PLEKHA8: variants seen among roughly 807,000 people sequenced by gnomAD.
PLEKHA8 encodes pleckstrin homology domain containing A8, also known as pleckstrin homology domain-containing family A member 8.
A neutral mutation model predicts 68.2 loss-of-function variants in PLEKHA8; 36 were observed. That is an observed-to-expected ratio of 0.53 (90% CI 0.40 to 0.70). The LOEUF (loss-of-function observed/expected upper bound fraction) is 0.70. Ranked by LOEUF, PLEKHA8 falls within the 30% of genes least tolerant of loss-of-function variation. PLEKHA8 has a pLI of 0.00. For synonymous variants in PLEKHA8, 211 were observed against 216.1 expected (o/e 0.98, Z 0.20); for missense variants, 505 against 615.4 (o/e 0.82, Z 1.90).
At chr7:30,063,485 G>A (rs189698910) in intron 12 of PLEKHA8, among the ~76,000 whole-genome samples, 13 of 152,226 alleles carry the variant, frequency 8.5e-5, no homozygotes, top group East Asian at 5.8e-4. Flanking sequence ...GCCATGAGGC[G>A]TGTGTGGAGA....
At position 30,053,285 on chromosome 7, in the gene PLEKHA8, C is replaced by G. The variant is rs183196468; in HGVS notation, c.796+419C>G. Among the ~76,000 whole-genome samples, 32 of 152,288 alleles carry G rather than the reference C, an allele frequency of 2.1e-4. No individual in the cohort carries two copies. The East Asian group carries it at 6.0e-3, about 28-fold the overall frequency. On this transcript the variant is annotated intron_variant, in intron 7 of 13. Coordinates refer to ENST00000449726, the MANE Select transcript of PLEKHA8 (RefSeq NM_001197026.2). ...AGTCACCATGAGGTTTCTACGCAGT[C>G]TTCTCTGTTTATCAAGCCAAAGTCC...
At chr7:30,099,382 T>A (rs528011698) in intron 13 of PLEKHA8, among the ~76,000 whole-genome samples, 1 of 152,328 alleles carries the variant, frequency 6.6e-6, no homozygotes, top group African/African-American at 2.4e-5. Context: ...CTTGAAAAAC[T>A]ATGCTATAAA....
In PLEKHA8 at chr7:30,045,117, G is replaced by A; in HGVS notation, c.73G>A (p.Gly25Arg). The change falls in exon 2 of 14, where the codon GGA (glycine) becomes AGA (arginine). Residue 25 changes from glycine to arginine, a missense_variant. Transcript: ENST00000449726. The stretch of plus-strand genomic sequence containing the variant: ...GCCTCGATGGTTCCTTCTCTGTGGG[G>A]GAATATTGTCCTATTATGATTCTCC... ...WQPRWFLLCGGILSYYDSPED... is the reference protein window; with the variant it reads ...WQPRWFLLCGRILSYYDSPED... The A allele has an allele frequency of 1.2e-6, 2 of 1,609,672 alleles. No individual in the cohort carries two copies. Among genetic ancestry groups the A allele is most frequent in the East Asian group, 2.2e-5 (1 of 44,648 alleles).
At chr7:30,062,226 GTATA>G (rs1360714844) in intron 11 of PLEKHA8, among the ~76,000 whole-genome samples, 199 bp downstream of exon 11, 1 of 151,936 alleles carries the variant, frequency 6.6e-6, no homozygotes, top group East Asian at 1.9e-4. Context: ...TTGTTGATAA[GTATA>G]TATAAGATAG....
At chr7:30,041,332 T>C (rs936217040) in intron 1 of PLEKHA8, among the ~76,000 whole-genome samples, 2 of 152,154 alleles carry the variant, frequency 1.3e-5, no homozygotes, top group Non-Finnish European at 2.9e-5. Context: ...TGAACATCCC[T>C]TGTATAATTA....
At chr7:30,056,315 T>TATAA (rs1792891690) in intron 9 of PLEKHA8, among the ~76,000 whole-genome samples, 1 of 125,140 alleles carries the variant, frequency 8.0e-6, no homozygotes, top group Non-Finnish European at 1.7e-5. Flanking sequence ...TCTCTCTCTA[T>TATAA]ATATATATAT....
rs1038680104 is a variant in PLEKHA8 at position 30,078,957 on chromosome 7, T to C, written c.*170T>C. The C allele has an allele frequency of 1.4e-6, 2 of 1,417,278 alleles. No individual in the cohort carries two copies. Among genetic ancestry groups the C allele is most frequent in the Non-Finnish European group, 1.8e-6 (2 of 1,089,912 alleles). 87.8% of individuals were successfully genotyped at this position (1,417,278 alleles called of 1,614,324 possible). A position where few individuals can be genotyped will look rare whatever the true frequency, so the allele number is the denominator to read the frequency against. The stretch of plus-strand genomic sequence containing the variant: ...ATAATTTTTAAAATGCATATGTGTT[T>C]TGTTTAAAGATCAAGGTGCTATATA... On this transcript the variant is annotated 3_prime_UTR_variant, in exon 14 of 14. Transcript: ENST00000449726.
chr7:30,047,870 T>A lies in PLEKHA8; in HGVS notation c.352T>A (p.Ser118Thr). The change falls in exon 4 of 14, where the codon TCA becomes ACA. Residue 118 changes from serine (S) to threonine (T), a missense_variant. By Grantham distance (58) the Ser-to-Thr change is moderately conservative. Transcript: ENST00000449726. ...ENTENLKTKM[S>T]ELRLYCDLLV... ...CACTGAAAACTTGAAAACCAAAATGTCAGAACTAAGACTCTACTGTGACCT... is the reference window on the plus strand; with the variant it reads ...CACTGAAAACTTGAAAACCAAAATGACAGAACTAAGACTCTACTGTGACCT... 6.2e-7 allele frequency: 1 copy of A among 1,610,432 alleles called. No homozygotes were observed. The highest frequency in any genetic ancestry group is 8.5e-7 in the Non-Finnish European group (1 of 1,177,458).
chr7:30,095,467 C>T (rs924023008), downstream of PLEKHA8, among the ~76,000 whole-genome samples: 12 of 152,282 alleles, frequency 7.9e-5, no homozygotes, highest in Admixed American at 2.0e-4. Flanking sequence ...TTCTCCCATT[C>T]TGTAGGTTGC....
chr7:30,052,607 T>G, intron 6 of PLEKHA8, 102 bp from the exon 7 acceptor site: 1 of 1,029,266 alleles, frequency 9.7e-7, no homozygotes, highest in South Asian at 1.8e-5. Flanking sequence ...GCCACTGTAC[T>G]GCAGCCTGGG....
intron 13 of PLEKHA8, among the ~76,000 whole-genome samples, chr7:30,124,135 G>A (rs915403541): frequency 1.3e-5 from 2 of 152,168 alleles, no homozygotes; most frequent in Non-Finnish European, 2.9e-5. Flanking sequence ...AGGAAGAAGA[G>A]TAATTTTTCC....
chr7:30,036,407 AATAGATAGATAG>A (rs55904639), intron 1 of PLEKHA8, among the ~76,000 whole-genome samples: 24,122 of 143,242 alleles, frequency 0.17, 2,169 homozygotes, highest in Middle Eastern at 0.2. Context: ...GATAGGATAG[AATAGATAGATAG>A]ATAGATAGAT....
chr7:30,120,109 A>G (rs945760192), intron 13 of PLEKHA8, among the ~76,000 whole-genome samples: 2 of 151,874 alleles, frequency 1.3e-5, no homozygotes, highest in African/African-American at 4.8e-5. Context: ...CAAAGCCACA[A>G]TGAGATACCT....
intron 12 of PLEKHA8, among the ~76,000 whole-genome samples, chr7:30,068,008 T>C (rs139155690): frequency 1.4e-4 from 21 of 152,356 alleles, no homozygotes; most frequent in Non-Finnish European, 2.4e-4. Flanking sequence ...AGGAGGCTTC[T>C]CATAGCTAAG....
At chr7:30,059,994 C>T (rs1017031398) in intron 9 of PLEKHA8, among the ~76,000 whole-genome samples, 5 of 149,884 alleles carry the variant, frequency 3.3e-5, no homozygotes, top group South Asian at 4.2e-4. Context: ...CCGTCTTGGC[C>T]AACGTGATGG....
chr7:30,087,528 C>T (rs987249152), downstream of PLEKHA8, among the ~76,000 whole-genome samples: 5 of 152,160 alleles, frequency 3.3e-5, no homozygotes, highest in Admixed American at 3.3e-4. Flanking sequence ...TTGTTCTAGT[C>T]TCTCAGGCAA....
intron 11 of PLEKHA8, 37 bp downstream of exon 11, chr7:30,062,064 G>A (rs1274441297): frequency 1.1e-5 from 18 of 1,573,416 alleles, no homozygotes; most frequent in Non-Finnish European, 1.5e-5. Context: ...TTAAAATCTA[G>A]CTCAAAAAAA....
chr7:30,105,981 C>T (rs1796040959), intron 13 of PLEKHA8, among the ~76,000 whole-genome samples: 1 of 151,528 alleles, frequency 6.6e-6, no homozygotes, highest in African/African-American at 2.4e-5. Context: ...ATTCCCTATT[C>T]AAATATCACT....
intron 13 of PLEKHA8, among the ~76,000 whole-genome samples, chr7:30,117,580 T>TG (rs1244932643): frequency 6.6e-6 from 1 of 151,980 alleles, no homozygotes; most frequent in Non-Finnish European, 1.5e-5. Context: ...GGCACACACC[T>TG]GTAGTCCCAG....
Sources: allele counts gnomAD v4.1 joint callset (sites outside exome capture counted in the v4.1 genomes callset), GRCh38; gene constraint gnomAD v4.1.1; transcripts MANE v1.5; gene names NCBI Gene and HGNC (gene_info 2026-07-23, HGNC 2026-07-21).